KIRREL3: variants seen among roughly 807,000 people sequenced by gnomAD.
The protein encoded by KIRREL3 is kirre like nephrin family adhesion molecule 3, also known as kin of IRRE-like protein 3.
A neutral mutation model predicts 89.7 loss-of-function variants in KIRREL3; 36 were observed. That is an observed-to-expected ratio of 0.40 (90% confidence interval 0.31 to 0.53). The LOEUF is 0.53. Ranked by LOEUF, KIRREL3 falls within the 20% of genes least tolerant of loss-of-function variation. KIRREL3 has a pLI of 0.49. For synonymous variants in KIRREL3, 445 were observed against 441.4 expected, an observed-to-expected ratio of 1.01 and a Z score of -0.10; for missense variants, 864 against 1,056.6, an observed-to-expected ratio of 0.82 and a Z score of 2.53.
rs546830688 is a variant in KIRREL3, at chr11:126,772,914, G to A, written c.56-210002C>T. On this transcript the variant is annotated intron_variant, in intron 1 of 16. Transcript: ENST00000525144. This position sits in a 1 kb window ranked among gnomAD's most constrained non-coding sequence, Gnocchi z 4.6. Reference sequence around the variant, plus strand: ...CAACAATCTCCCCAGTGATTCTTACGGACATCAGGACTGAGGTCCTGGGGT... The same window carrying A: ...CAACAATCTCCCCAGTGATTCTTACAGACATCAGGACTGAGGTCCTGGGGT... 6.6e-6 allele frequency among the ~76,000 whole-genome samples: 1 copy of A among 152,142 alleles called. No individual in the cohort carries two copies. Among genetic ancestry groups the A allele is most frequent in the Non-Finnish European group, 1.5e-5 (1 of 68,032 alleles).
chr11:126,612,484 T>C lies in KIRREL3; in HGVS notation c.56-49572A>G, dbSNP rs1476855225. On this transcript the variant is annotated intron_variant, in intron 1 of 16. Transcript: ENST00000525144. This position sits in a 1 kb window ranked among gnomAD's most constrained non-coding sequence, Gnocchi z 4.5. ...AACTTGGAAGCTTTAGGGGTTAGTC[T>C]TTTTTAAGTACATTCGTTAAAAAAG... Among the ~76,000 whole-genome samples, 2 of 152,232 alleles carry C rather than the reference T, an allele frequency of 1.3e-5. No individual in the cohort carries two copies. The highest frequency in any genetic ancestry group is 6.5e-5 in the Admixed American group (1 of 15,282).
At chr11:126,960,399 T>A (rs1456711676) in intron 1 of KIRREL3, among the ~76,000 whole-genome samples, 1 of 152,190 alleles carries the variant, frequency 6.6e-6, no homozygotes, top group Non-Finnish European at 1.5e-5. Context: ...ACGTAGTTTT[T>A]CTAAAGAGGC....
At position 126,669,246 on chromosome 11, in the gene KIRREL3, A is replaced by G. The variant is rs1282152534; in HGVS notation, c.56-106334T>C. On this transcript the variant is annotated intron_variant, in intron 1 of 16. Transcript: ENST00000525144. The surrounding 1 kb of genome is among the most constrained non-coding windows in gnomAD (Gnocchi z 5.0). The stretch of plus-strand genomic sequence containing the variant: ...TGTTAGACCCATTGAACAGATGAAA[A>G]TAAAAGGGGTCTCTAGATCTGGGAT... Among the ~76,000 whole-genome samples, 1 of 152,152 alleles carries G rather than the reference A, an allele frequency of 6.6e-6. No individual in the cohort carries two copies. Among genetic ancestry groups the G allele is most frequent in the Non-Finnish European group, 1.5e-5 (1 of 68,042 alleles).
intron 1 of KIRREL3, among the ~76,000 whole-genome samples, chr11:126,681,153 C>T (rs1473363421): frequency 1.3e-5 from 2 of 152,098 alleles, no homozygotes; most frequent in African/African-American, 2.4e-5. Context: ...GAAATAATGC[C>T]AGGAACTTCC....
intron 1 of KIRREL3, among the ~76,000 whole-genome samples, chr11:126,975,506 C>G (rs1368296375): frequency 1.3e-5 from 2 of 152,156 alleles, no homozygotes; most frequent in East Asian, 3.9e-4. Flanking sequence ...TACCAGTATT[C>G]CTACCCTCCA....
intron 1 of KIRREL3, among the ~76,000 whole-genome samples, chr11:126,929,434 G>T (rs550320242): frequency 2.0e-5 from 3 of 152,302 alleles, no homozygotes; most frequent in Non-Finnish European, 4.4e-5. Flanking sequence ...TGTACAGAAA[G>T]AAGGAGGTCA....
Position 126,652,572 on chromosome 11 carries a change from C to T in KIRREL3, c.56-89660G>A, listed in dbSNP as rs1047490415. 3.9e-5 allele frequency among the ~76,000 whole-genome samples: 6 copies of T among 152,154 alleles called. No individual in the cohort carries two copies. In the East Asian group the frequency reaches 1.2e-3, roughly 29 times the overall value. ...GGTCAGGCCATTTGCCAAAGTCCTCCACTCAATCTATAGGTAGCGGGGCTG... is the reference window on the plus strand; with the variant it reads ...GGTCAGGCCATTTGCCAAAGTCCTCTACTCAATCTATAGGTAGCGGGGCTG... On this transcript the variant is annotated intron_variant, in intron 1 of 16. Coordinates refer to ENST00000525144, the MANE Select transcript of KIRREL3 (RefSeq NM_032531.4). This position sits in a 1 kb window ranked among gnomAD's most constrained non-coding sequence, Gnocchi z 4.9.
At chr11:126,958,803 T>C (rs1399571189) in intron 1 of KIRREL3, among the ~76,000 whole-genome samples, 1 of 152,224 alleles carries the variant, frequency 6.6e-6, no homozygotes, top group African/African-American at 2.4e-5. Context: ...CTTAGTCTTC[T>C]TTGTCCCTTC....
chr11:126,745,519 C>CA (rs1949119477), intron 1 of KIRREL3, among the ~76,000 whole-genome samples: 3 of 149,936 alleles, frequency 2.0e-5, no homozygotes, highest in Non-Finnish European at 4.4e-5. Context: ...AAAACCCAAA[C>CA]AAAACCCTCA....
chr11:126,939,751 G>A (rs537659381), intron 1 of KIRREL3, among the ~76,000 whole-genome samples: 2 of 152,224 alleles, frequency 1.3e-5, no homozygotes, highest in East Asian at 1.9e-4. Flanking sequence ...CTATATGATT[G>A]AGTCAGCATT....
chr11:126,554,237 C>T (rs1380894697), intron 2 of KIRREL3, among the ~76,000 whole-genome samples: 1 of 152,140 alleles, frequency 6.6e-6, no homozygotes, highest in South Asian at 2.1e-4. Context: ...TCAGGTGGGT[C>T]CTGCGCACCC....
chr11:126,579,185 C>G lies in KIRREL3; in HGVS notation c.56-16273G>C, dbSNP rs566194989. Among the ~76,000 whole-genome samples the G allele has an allele frequency of 6.6e-6, 1 of 152,166 alleles. No homozygotes were observed. The highest frequency in any genetic ancestry group is 1.5e-5 in the Non-Finnish European group (1 of 68,034). ...TGGAGGATGAACGGGTCGTCTAAAA[C>G]AGATGACGCTGGTGCGGGCCCCAGG... is the stretch of plus-strand genomic sequence containing the variant. On this transcript the variant is annotated intron_variant, in intron 1 of 16. Transcript: ENST00000525144. The surrounding 1 kb of genome is among the most constrained non-coding windows in gnomAD (Gnocchi z 5.3).
Position 126,879,415 on chromosome 11 carries a change from G to A in KIRREL3, c.55+121040C>T, listed in dbSNP as rs977819000. The stretch of plus-strand genomic sequence containing the variant: ...TGTGGCAGCCAGCTGTACCGGAGAA[G>A]CAGCTGATGAGGTTGCAGTTGCTCC... On this transcript the variant is annotated intron_variant, in intron 1 of 16. Transcript: ENST00000525144. The surrounding 1 kb of genome is among the most constrained non-coding windows in gnomAD (Gnocchi z 5.4). 6.6e-6 allele frequency among the ~76,000 whole-genome samples: 1 copy of A among 152,212 alleles called. No individual in the cohort carries two copies. Among genetic ancestry groups the A allele is most frequent in the East Asian group, 1.9e-4 (1 of 5,194 alleles).
intron 2 of KIRREL3, among the ~76,000 whole-genome samples, chr11:126,529,477 C>T (rs1958871828): frequency 6.6e-6 from 1 of 152,004 alleles, no homozygotes; most frequent in South Asian, 2.1e-4. Context: ...GGGAGAGGGC[C>T]TTTTGAGGGG....
intron 1 of KIRREL3, among the ~76,000 whole-genome samples, chr11:126,699,602 T>A (rs1468048868): frequency 6.6e-6 from 1 of 152,186 alleles, no homozygotes; most frequent in Non-Finnish European, 1.5e-5. Context: ...TATTTTACCT[T>A]TTTTTAGGTA....
rs1947714987 is a variant in KIRREL3 at position 126,710,498 on chromosome 11, A to G, written c.56-147586T>C. On this transcript the variant is annotated intron_variant, in intron 1 of 16. Coordinates refer to ENST00000525144, the MANE Select transcript of KIRREL3 (RefSeq NM_032531.4). This position sits in a 1 kb window ranked among gnomAD's most constrained non-coding sequence, Gnocchi z 4.2. ...TGCCGAGATTCCTAATGAGATGAGA[A>G]TACATTCTTTAAAGCTCCAGTTAAC... Among the ~76,000 whole-genome samples the G allele has an allele frequency of 6.6e-6, 1 of 152,278 alleles. No individual in the cohort carries two copies. Among genetic ancestry groups the G allele is most frequent in the Non-Finnish European group, 1.5e-5 (1 of 68,006 alleles).
In KIRREL3 at chr11:126,868,378, G is replaced by A. The variant is rs903034882; in HGVS notation, c.55+132077C>T. On this transcript the variant is annotated intron_variant, in intron 1 of 16. Transcript: ENST00000525144. The stretch of plus-strand genomic sequence containing the variant: ...GTGGGTCGTCAGCAAGGCTGGAGAG[G>A]GCTCAGGAGAAAGTGTGGCTGGTGG... Among the ~76,000 whole-genome samples the A allele has an allele frequency of 2.0e-5, 3 of 152,180 alleles. No individual in the cohort carries two copies. In the South Asian group the frequency reaches 6.2e-4, roughly 32 times the overall value.
rs867149823 is a variant in KIRREL3 at position 126,424,313 on chromosome 11, G to A, written c.*267C>T. ...GTAGAGGGGCCTCCAGGAAAGGGCC[G>A]GGGACACGGGTGTCCAGCACTAAGC... On this transcript the variant is annotated 3_prime_UTR_variant, in exon 17 of 17. Coordinates refer to ENST00000525144, the MANE Select transcript of KIRREL3 (RefSeq NM_032531.4). The A allele has an allele frequency of 8.1e-5, 43 of 527,864 alleles. No homozygotes were observed. The highest frequency in any genetic ancestry group is 2.8e-4 in the African/African-American group (15 of 52,688). The allele number at this position is 527,864 out of a possible 1,614,324, so 32.7% of individuals were successfully genotyped here.
intron 1 of KIRREL3, among the ~76,000 whole-genome samples, chr11:126,702,555 T>A (rs1947352963): frequency 6.6e-6 from 1 of 152,230 alleles, no homozygotes. Context: ...CCTCTCACCG[T>A]GGAGCCCTAA....
Sources: allele counts gnomAD v4.1 joint callset (sites outside exome capture counted in the v4.1 genomes callset), GRCh38; gene constraint gnomAD v4.1.1; non-coding constraint Gnocchi (gnomAD v3.1); transcripts MANE v1.5; gene names NCBI Gene and HGNC (gene_info 2026-07-23, HGNC 2026-07-21).